RHOBTB2: variants seen among roughly 807,000 people sequenced by gnomAD.
The protein encoded by RHOBTB2 is Rho related BTB domain containing 2.
A neutral mutation model predicts 66.5 loss-of-function variants in RHOBTB2; 39 were observed. That is an observed-to-expected ratio of 0.59 (90% confidence interval 0.45 to 0.77). The LOEUF (loss-of-function observed/expected upper bound fraction) is 0.77, where lower values mean the gene tolerates loss of function less well. Ranked by LOEUF, RHOBTB2 falls within the 30% of genes least tolerant of loss-of-function variation. The probability of loss-of-function intolerance (pLI) is 0.00; values close to 1 mark genes in which losing one functional copy is unlikely to be tolerated. For synonymous variants in RHOBTB2, 390 were observed against 395.0 expected, an observed-to-expected ratio of 0.99 and a Z score of 0.15; for missense variants, 755 against 999.1, an observed-to-expected ratio of 0.76 and a Z score of 3.29.
intron 2 of RHOBTB2, chr8:22,994,481 G>A (rs990834766): frequency 8.5e-6 from 7 of 822,284 alleles, no homozygotes; most frequent in African/African-American, 5.1e-5. Flanking sequence ...CGACCTTGGA[G>A]TAATTCGCGG....
chr8:22,961,016 A>T, the RHOBTB2 span, among the ~76,000 whole-genome samples: 11 of 152,120 alleles, frequency 7.2e-5, no homozygotes, highest in South Asian at 4.1e-4. Flanking sequence ...ATTTGGCCTA[A>T]GAATGCTTCT....
chr8:22,971,191 ATT>A, the RHOBTB2 span, among the ~76,000 whole-genome samples: 1 of 150,244 alleles, frequency 6.7e-6, no homozygotes. Context: ...CTTTTTCTGT[ATT>A]TTTTTTTAAG....
At chr8:23,012,775 C>A (rs1487392698) in intron 7 of RHOBTB2, among the ~76,000 whole-genome samples, 2 of 152,130 alleles carry the variant, frequency 1.3e-5, no homozygotes, top group Non-Finnish European at 2.9e-5. Flanking sequence ...TGCCTCATCA[C>A]ACCCAGCTAA....
At chr8:22,960,660 G>T in the RHOBTB2 span, among the ~76,000 whole-genome samples, 2 of 152,132 alleles carry the variant, frequency 1.3e-5, no homozygotes, top group African/African-American at 4.8e-5. Flanking sequence ...TTTGGCTACA[G>T]ATCACAGTGC....
the RHOBTB2 span, among the ~76,000 whole-genome samples, chr8:22,979,758 TGGGACAGAGTGAGAC>T: frequency 3.9e-5 from 4 of 102,552 alleles, no homozygotes; most frequent in Non-Finnish European, 8.3e-5. Context: ...TTTTTTTTTT[TGGGACAGAGTGAGAC>T]TCTGTGACAG....
the RHOBTB2 span, among the ~76,000 whole-genome samples, chr8:22,954,349 G>T: frequency 6.6e-6 from 1 of 152,092 alleles, no homozygotes; most frequent in African/African-American, 2.4e-5. Flanking sequence ...TTCTGTTTTT[G>T]TTTTTTAACG....
chr8:22,976,356 C>T, the RHOBTB2 span, among the ~76,000 whole-genome samples: 2 of 151,956 alleles, frequency 1.3e-5, no homozygotes, highest in African/African-American at 4.8e-5. Flanking sequence ...GAGAGATTCC[C>T]GGACAGTAAA....
chr8:22,960,789 G>A, the RHOBTB2 span, among the ~76,000 whole-genome samples: 3 of 152,162 alleles, frequency 2.0e-5, no homozygotes, highest in South Asian at 2.1e-4. Flanking sequence ...AGGAACTCAC[G>A]ATAAAATTTC....
intron 5 of RHOBTB2, 50 bp downstream of exon 5, chr8:23,007,796 C>T (rs759354241): frequency 3.1e-6 from 5 of 1,590,382 alleles, no homozygotes; most frequent in Non-Finnish European, 4.3e-6. Context: ...GTGCTATTAG[C>T]ATTGCCTGTC....
rs139953909 is a variant in RHOBTB2, at chr8:23,006,101, C to T, written c.438C>T (p.Tyr146=). The T allele has an allele frequency of 0.011, 17,941 of 1,614,056 alleles. 115 individuals carry two copies. Among genetic ancestry groups the T allele is most frequent in the Non-Finnish European group, 0.013 (15,311 of 1,179,982 alleles). ...TGGGCTGCCAGTTGGACCTGCGCTA[C>T]GCTGACCTGGAGGCTGTCAACAGGG... ...ILVGCQLDLR[Y]ADLEAVNRAR... is the part of the protein sequence containing the mutation. Residue 146 remains tyrosine (Y), a synonymous_variant, in exon 4 of 10, where the codon TAC becomes TAT. Transcript: ENST00000251822. The surrounding 1 kb of genome is among the most constrained non-coding windows in gnomAD (Gnocchi z 6.1).
intron 1 of RHOBTB2, 137 bp downstream of exon 1, chr8:23,000,242 G>A: frequency 4.2e-6 from 2 of 471,392 alleles, no homozygotes; most frequent in Non-Finnish European, 5.6e-6. Context: ...GGCTTCGGCT[G>A]CTGGGTACAG....
At position 23,017,657 on chromosome 8, in the gene RHOBTB2, C is replaced by A; in HGVS notation, c.*188C>A. On this transcript the variant is annotated 3_prime_UTR_variant, in exon 10 of 10. Coordinates refer to ENST00000251822, the MANE Select transcript of RHOBTB2 (RefSeq NM_015178.3). The surrounding 1 kb of genome is among the most constrained non-coding windows in gnomAD (Gnocchi z 5.3). ...AGGAGCTGAGCCCTGTGGAGCAGAA[C>A]GGGAACCACCTGCAGAGGTCCCCAG... The A allele has an allele frequency of 1.1e-6, 1 of 881,918 alleles. No individual in the cohort carries two copies. Among genetic ancestry groups the A allele is most frequent in the Non-Finnish European group, 1.7e-6 (1 of 594,056 alleles). 54.6% of individuals were successfully genotyped at this position (881,918 alleles called of 1,614,324 possible).
rs963106898 is a variant in RHOBTB2 at position 23,019,243 on chromosome 8, C to T, written c.*1774C>T. ...AAAGGTAGCAGGCAGGACCTAATGA[C>T]CAGAGGTTAAATCCTCATCAAGAGA... is the stretch of plus-strand genomic sequence containing the variant. On this transcript the variant is annotated 3_prime_UTR_variant, in exon 10 of 10. Transcript: ENST00000251822. 9 of 152,428 alleles carry T rather than the reference C, an allele frequency of 5.9e-5. No individual in the cohort carries two copies. The highest frequency in any genetic ancestry group is 8.8e-5 in the Non-Finnish European group (6 of 68,250). The allele number at this position is 152,428 out of a possible 1,614,324, so 9.4% of individuals were successfully genotyped here.
chr8:22,973,347 G>A, the RHOBTB2 span, among the ~76,000 whole-genome samples: 1 of 152,004 alleles, frequency 6.6e-6, no homozygotes, highest in Non-Finnish European at 1.5e-5. Flanking sequence ...TCCCCTCTCG[G>A]CCTCCCAAGT....
chr8:22,995,814 T>A (rs1235527943), upstream of RHOBTB2: 12 of 1,549,484 alleles, frequency 7.7e-6, no homozygotes, highest in African/African-American at 1.4e-5. Context: ...GGAGCTCATG[T>A]CACAAGGCCC....
intron 1 of RHOBTB2, among the ~76,000 whole-genome samples, chr8:23,001,029 G>T (rs1810762979): frequency 6.6e-6 from 1 of 152,110 alleles, no homozygotes; most frequent in African/African-American, 2.4e-5. Flanking sequence ...GAGAGCACGA[G>T]GTTTGTAGCT....
chr8:22,988,401 A>G (rs1810340023), intron 1 of RHOBTB2, among the ~76,000 whole-genome samples: 1 of 151,046 alleles, frequency 6.6e-6, no homozygotes, highest in South Asian at 2.1e-4. Flanking sequence ...ACCTCAAGTG[A>G]CCCGCCCACC....
chr8:22,963,863 C>A, the RHOBTB2 span, among the ~76,000 whole-genome samples: 1 of 152,086 alleles, frequency 6.6e-6, no homozygotes, highest in African/African-American at 2.4e-5. Flanking sequence ...CTCACCACAA[C>A]CACCATCCCC....
chr8:22,979,068 T>A, the RHOBTB2 span, among the ~76,000 whole-genome samples: 10 of 152,224 alleles, frequency 6.6e-5, no homozygotes, highest in African/African-American at 2.4e-4. Context: ...TTAAATTACA[T>A]TTTCTTTTAT....
Sources: gnomAD v4.1 joint callset for allele counts (sites outside exome capture counted in the v4.1 genomes callset) on GRCh38, gnomAD v4.1.1 for gene constraint, Gnocchi (gnomAD v3.1) non-coding constraint, MANE v1.5 for transcripts, NCBI Gene and HGNC (gene_info 2026-07-23, HGNC 2026-07-21) for gene names.